The following TMEM242 variants were observed in gnomAD, a reference collection of about 807,000 sequenced individuals.
The protein encoded by TMEM242 is transmembrane protein 242.
Under a neutral mutation model 18.2 loss-of-function variants are expected in TMEM242, and 10 were observed. That is an observed-to-expected ratio of 0.55 (90% confidence interval 0.34 to 0.93). The LOEUF is 0.93. TMEM242 is among the 40% of genes least tolerant of loss of function. TMEM242 has a pLI of 0.02. For missense variants in TMEM242, 186 were observed against 175.5 expected, an observed-to-expected ratio of 1.06 and a Z score of -0.34; for synonymous variants, 57 against 69.9, an observed-to-expected ratio of 0.81 and a Z score of 0.92.
At chr6:157,311,358 C>G (rs1554248745) in intron 3 of TMEM242, among the ~76,000 whole-genome samples, 302 of 139,660 alleles carry the variant, frequency 2.2e-3, no homozygotes, top group Non-Finnish European at 3.3e-3. Context: ...GTGCGCTCAC[C>G]TAGCCTCATC....
chr6:157,309,473 GC>G (rs1454332230), intron 3 of TMEM242, among the ~76,000 whole-genome samples: 1 of 152,084 alleles, frequency 6.6e-6, no homozygotes, highest in East Asian at 1.9e-4. Flanking sequence ...CTCTCAACCT[GC>G]CAGTCAGGTT....
intron 3 of TMEM242, chr6:157,299,264 C>T: frequency 1.3e-6 from 1 of 752,098 alleles, no homozygotes; most frequent in Non-Finnish European, 2.5e-6. Flanking sequence ...GGCCAATGGC[C>T]CATGAAGTAT....
chr6:157,312,838 G>C (rs62425588), intron 3 of TMEM242, among the ~76,000 whole-genome samples: 1,779 of 138,256 alleles, frequency 0.013, 14 homozygotes, highest in South Asian at 0.015. Flanking sequence ...GTGCCACAGT[G>C]TGCACTCACC....
intron 3 of TMEM242, among the ~76,000 whole-genome samples, chr6:157,311,421 CGCA>C (rs1778087754): frequency 2.4e-5 from 3 of 123,848 alleles, no homozygotes; most frequent in Non-Finnish European, 3.5e-5. Context: ...CCAGTGTGCA[CGCA>C]TACGGCCTCA....
intron 3 of TMEM242, among the ~76,000 whole-genome samples, chr6:157,309,997 C>T (rs1777974460): frequency 6.6e-6 from 1 of 152,160 alleles, no homozygotes; most frequent in South Asian, 2.1e-4. Context: ...AAACATAGAG[C>T]ACAGGTCCAC....
intron 2 of TMEM242, among the ~76,000 whole-genome samples, chr6:157,321,796 T>C (rs587656038): frequency 5.3e-5 from 8 of 152,248 alleles, no homozygotes; most frequent in Admixed American, 4.6e-4. Context: ...AACTTAGGCT[T>C]AGAAATCAAC....
At chr6:157,313,061 T>C (rs62425600) in intron 3 of TMEM242, among the ~76,000 whole-genome samples, 5,198 of 78,326 alleles carry the variant, frequency 0.066, 22 homozygotes, top group East Asian at 0.12. Flanking sequence ...CCTGGCCTCA[T>C]CATAGGGTCC....
chr6:157,295,740 AC>A (rs1225533425), intron 3 of TMEM242, among the ~76,000 whole-genome samples: 2 of 152,106 alleles, frequency 1.3e-5, no homozygotes, highest in Non-Finnish European at 1.5e-5. Flanking sequence ...CAATAGAAGC[AC>A]TCTATCTGAA....
chr6:157,312,476 A>G (rs797025496), intron 3 of TMEM242, among the ~76,000 whole-genome samples: 467 of 39,466 alleles, frequency 0.012, 12 homozygotes, highest in East Asian at 0.029. Flanking sequence ...GCACTCACCT[A>G]GCCTCATCAT....
intron 3 of TMEM242, among the ~76,000 whole-genome samples, chr6:157,312,310 C>G (rs149095101): frequency 2.0e-5 from 3 of 147,382 alleles, no homozygotes; most frequent in Non-Finnish European, 3.0e-5. Context: ...GTGCGTTGAT[C>G]TGACCTCATT....
chr6:157,322,938 A>C, intron 1 of TMEM242, 133 bp from the exon 2 acceptor site: 1 of 746,894 alleles, frequency 1.3e-6, no homozygotes, highest in South Asian at 1.9e-5. Flanking sequence ...TCAAGAAACC[A>C]TGGCTAAGCA....
chr6:157,295,993 A>G (rs782628540), intron 3 of TMEM242, among the ~76,000 whole-genome samples: 1 of 152,194 alleles, frequency 6.6e-6, no homozygotes, highest in Non-Finnish European at 1.5e-5. Context: ...ACCTATATCA[A>G]TTTCTGATAT....
chr6:157,292,945 A>G lies in TMEM242; in HGVS notation c.382T>C (p.Ser128Pro), dbSNP rs782679723. The G allele has an allele frequency of 1.2e-6, 2 of 1,613,778 alleles. No homozygotes were observed. The highest frequency in any genetic ancestry group is 1.7e-5 in the Admixed American group (1 of 60,010). Residue 128 changes from serine to proline, a missense_variant, in exon 4 of 4, where the codon TCC becomes CCC. Physicochemically the swap from Ser to Pro is moderately conservative, Grantham distance 74. Transcript: ENST00000400788. ...TCCTCCCACTCAACAGCCGATTCGG[A>G]GTTCTTGGGAATTGTTGGAAATATT... ...QSIFPTIPKNSESAVEWEETL... is the reference protein window; with the variant it reads ...QSIFPTIPKNPESAVEWEETL...
chr6:157,296,825 T>C (rs1554247211), intron 3 of TMEM242, among the ~76,000 whole-genome samples: 1 of 152,198 alleles, frequency 6.6e-6, no homozygotes, highest in Non-Finnish European at 1.5e-5. Flanking sequence ...ATGCTTTGTG[T>C]CCAACAGTGC....
At chr6:157,294,901 C>T (rs1439657441) in intron 3 of TMEM242, among the ~76,000 whole-genome samples, 1 of 152,124 alleles carries the variant, frequency 6.6e-6, no homozygotes, top group Non-Finnish European at 1.5e-5. Context: ...ATACTTTCCA[C>T]ATATGTAGAA....
chr6:157,313,003 C>T (rs1554249558), intron 3 of TMEM242, among the ~76,000 whole-genome samples: 2 of 152,044 alleles, frequency 1.3e-5, no homozygotes, highest in African/African-American at 4.8e-5. Flanking sequence ...TCATAGTGTC[C>T]CAGTGTCCGC....
chr6:157,318,900 G>A lies in TMEM242; in HGVS notation c.209C>T (p.Ala70Val). 1.2e-6 allele frequency: 2 copies of A among 1,608,670 alleles called. No homozygotes were observed. The highest frequency in any genetic ancestry group is 1.7e-6 in the Non-Finnish European group (2 of 1,178,128). ...WFNKGSMATAALPESGSSLAL... is the reference protein window; with the variant it reads ...WFNKGSMATAVLPESGSSLAL... The stretch of plus-strand genomic sequence containing the variant: ...AAGGGAAGACCCGCTTTCCGGTAAT[G>A]CAGCCGTGGCCATACTTCCCTGAAA... Residue 70 changes from alanine (A) to valine (V), a missense_variant, in exon 3 of 4, where the codon GCA becomes GTA. Coordinates refer to ENST00000400788, the MANE Select transcript of TMEM242 (RefSeq NM_018452.6).
At chr6:157,318,407 G>C (rs1778441457) in intron 3 of TMEM242, 1 of 230,554 alleles carries the variant, frequency 4.3e-6, no homozygotes, top group Admixed American at 5.6e-5. Context: ...TTTTTTTATA[G>C]AGACAGGGTT....
intron 3 of TMEM242, among the ~76,000 whole-genome samples, chr6:157,316,010 T>C (rs1221590115): frequency 6.6e-6 from 1 of 152,244 alleles, no homozygotes; most frequent in Non-Finnish European, 1.5e-5. Context: ...TTATCAAGTG[T>C]ATAATTTAGA....
Sources: allele counts gnomAD v4.1 joint callset (sites outside exome capture counted in the v4.1 genomes callset), GRCh38; gene constraint gnomAD v4.1.1; transcripts MANE v1.5; gene names NCBI Gene and HGNC (gene_info 2026-07-23, HGNC 2026-07-21).